NME7: variants seen among roughly 807,000 people sequenced by gnomAD.
NME7 encodes the protein NME/NM23 family member 7, also known as nucleoside diphosphate kinase 7.
A neutral mutation model predicts 49.1 loss-of-function variants in NME7; 41 were observed. That is an observed-to-expected ratio of 0.83 (90% CI 0.65 to 1.08). NME7 has a LOEUF of 1.08. NME7 is among the 50% of genes least tolerant of loss of function. The pLI is 0.00. For missense variants in NME7, 423 were observed against 463.4 expected (o/e 0.91, Z 0.80); for synonymous variants, 139 against 150.6 (o/e 0.92, Z 0.56).
chr1:169,287,210 G>C, intron 7 of NME7, 93 bp downstream of exon 7: 1 of 1,055,368 alleles, frequency 9.5e-7, no homozygotes, highest in African/African-American at 1.6e-5. Context: ...AATACTAAAA[G>C]TATACTTTAT....
chr1:169,184,222 T>C (rs143825463), intron 10 of NME7, among the ~76,000 whole-genome samples: 13 of 152,286 alleles, frequency 8.5e-5, no homozygotes, highest in African/African-American at 2.9e-4. Flanking sequence ...GCAAACGTAG[T>C]GTTCAGAATG....
Position 169,169,433 on chromosome 1 carries a change from C to T in NME7, c.1098+14G>A. On this transcript the variant is annotated intron_variant, in intron 11 of 11. Coordinates refer to ENST00000367811, the MANE Select transcript of NME7 (RefSeq NM_013330.5). ...CTTGAAATATAAATAGGATGTTTAC[C>T]TTCTTTATCTTACCTCTAATAGGCC... The T allele has an allele frequency of 6.3e-7, 1 of 1,594,350 alleles. No homozygotes were observed. The highest frequency in any genetic ancestry group is 8.6e-7 in the Non-Finnish European group (1 of 1,166,232).
chr1:169,206,265 C>T (rs777012789), intron 10 of NME7, among the ~76,000 whole-genome samples: 5 of 151,934 alleles, frequency 3.3e-5, no homozygotes, highest in Non-Finnish European at 7.4e-5. Flanking sequence ...TAGAATAGTA[C>T]TTAGTATGTA....
At chr1:169,312,000 C>T (rs1856303) in intron 3 of NME7, among the ~76,000 whole-genome samples, 96,340 of 152,102 alleles carry the variant, frequency 0.63, 30,814 homozygotes, top group East Asian at 0.92. Flanking sequence ...AAAATAAAGA[C>T]AGCACATGAA....
chr1:169,362,791 G>A (rs2101991235), intron 1 of NME7, among the ~76,000 whole-genome samples: 1 of 152,232 alleles, frequency 6.6e-6, no homozygotes, highest in East Asian at 1.9e-4. Context: ...GAGTGATCTG[G>A]ATGCACAAAG....
At chr1:169,212,971 C>T (rs186569793) in intron 10 of NME7, among the ~76,000 whole-genome samples, 15 of 151,980 alleles carry the variant, frequency 9.9e-5, no homozygotes, top group Non-Finnish European at 1.8e-4. Context: ...ACATTTTTTG[C>T]ATTTTTGTAT....
chr1:169,257,148 C>T (rs1467718477), intron 7 of NME7, among the ~76,000 whole-genome samples: 1 of 134,664 alleles, frequency 7.4e-6, no homozygotes, highest in African/African-American at 2.5e-5. Flanking sequence ...CAATGGCGGG[C>T]GCCCCTCCCC....
chr1:169,302,033 C>A (rs1650959415), intron 5 of NME7: 1 of 151,842 alleles, frequency 6.6e-6, no homozygotes, highest in Non-Finnish European at 1.5e-5. Flanking sequence ...CGTAACAAAT[C>A]TGCATGTGTA....
At chr1:169,163,374 C>G (rs1435691464) in intron 11 of NME7, among the ~76,000 whole-genome samples, 2 of 151,824 alleles carry the variant, frequency 1.3e-5, no homozygotes, top group African/African-American at 2.4e-5. Flanking sequence ...AGGTGGAAGC[C>G]ATCTAGAAAA....
intron 11 of NME7, among the ~76,000 whole-genome samples, chr1:169,160,622 T>C (rs935985670): frequency 6.6e-6 from 1 of 152,222 alleles, no homozygotes; most frequent in Admixed American, 6.5e-5. Flanking sequence ...ATAAAAATGA[T>C]ATACATTAAA....
chr1:169,363,108 A>G (rs551142546), intron 1 of NME7, among the ~76,000 whole-genome samples: 1 of 151,654 alleles, frequency 6.6e-6, no homozygotes, highest in Non-Finnish European at 1.5e-5. Flanking sequence ...GCATCATGGC[A>G]CACACCTATT....
chr1:169,149,857 T>C (rs991436205), intron 11 of NME7, among the ~76,000 whole-genome samples: 1 of 152,200 alleles, frequency 6.6e-6, no homozygotes, highest in East Asian at 1.9e-4. Context: ...CTGGGACCAA[T>C]GGAAAGCAAA....
chr1:169,213,030 GAAGAGCTGTC>G (rs1334374406), intron 10 of NME7, among the ~76,000 whole-genome samples: 4 of 151,942 alleles, frequency 2.6e-5, no homozygotes, highest in African/African-American at 9.7e-5. Context: ...GCATAGTGCC[GAAGAGCTGTC>G]AAGAGTCCTA....
In NME7 at chr1:169,199,565, C is replaced by T. The variant is rs555346597; in HGVS notation, c.991-30011G>A. Among the ~76,000 whole-genome samples, 15 of 151,042 alleles carry T rather than the reference C, an allele frequency of 9.9e-5. No homozygotes were observed. The South Asian group carries it at 1.0e-3, about 11-fold the overall frequency. ...AACTCCTGGGCTCAAGTGATCCTCCCGCCTCAGCCTCCCAAGTAGCTGAGT... is the reference window on the plus strand; with the variant it reads ...AACTCCTGGGCTCAAGTGATCCTCCTGCCTCAGCCTCCCAAGTAGCTGAGT... On this transcript the variant is annotated intron_variant, in intron 10 of 11. Transcript: ENST00000367811.
chr1:169,335,705 ATT>A (rs975733962), intron 1 of NME7, among the ~76,000 whole-genome samples: 4 of 147,052 alleles, frequency 2.7e-5, no homozygotes, highest in Non-Finnish European at 6.0e-5. Flanking sequence ...ATGTTTATAT[ATT>A]TTATATATAT....
intron 10 of NME7, among the ~76,000 whole-genome samples, chr1:169,221,731 C>A (rs1009513674): frequency 1.3e-5 from 2 of 151,034 alleles, no homozygotes; most frequent in African/African-American, 4.9e-5. Flanking sequence ...GTGCACACAC[C>A]CAAATTTTTT....
chr1:169,191,226 C>CTTAA (rs1349584873), intron 10 of NME7, among the ~76,000 whole-genome samples: 1 of 152,152 alleles, frequency 6.6e-6, no homozygotes, highest in African/African-American at 2.4e-5. Context: ...TTACCCTTAA[C>CTTAA]GTGTTTTCTA....
At chr1:169,218,589 A>C (rs1484702311) in intron 10 of NME7, among the ~76,000 whole-genome samples, 1 of 152,000 alleles carries the variant, frequency 6.6e-6, no homozygotes, top group African/African-American at 2.4e-5. Flanking sequence ...AAAACAAACA[A>C]ACAAAGCAAA....
At chr1:169,356,120 T>A (rs141933470) in intron 1 of NME7, among the ~76,000 whole-genome samples, 1 of 152,298 alleles carries the variant, frequency 6.6e-6, no homozygotes, top group African/African-American at 2.4e-5. Context: ...TTCAGAGGAT[T>A]ATCTTTCTTC....
Sources: allele counts gnomAD v4.1 joint callset (sites outside exome capture counted in the v4.1 genomes callset), GRCh38; gene constraint gnomAD v4.1.1; transcripts MANE v1.5; gene names NCBI Gene and HGNC (gene_info 2026-07-23, HGNC 2026-07-21).